The following IFT80 variants were observed in gnomAD, a reference collection of about 807,000 sequenced individuals.
The protein encoded by IFT80 is intraflagellar transport protein 80 homolog.
Under a neutral mutation model 107.9 loss-of-function variants are expected in IFT80, and 79 were observed. The ratio of observed to expected loss-of-function variants is 0.73; its 90% CI spans 0.61 to 0.88. The LOEUF is 0.88. Among genes scored for constraint, IFT80 ranks in the 40% least tolerant of loss-of-function variants. IFT80 has a pLI of 0.00. For missense variants in IFT80, 797 were observed against 914.2 expected (o/e 0.87, Z 1.65); for synonymous variants, 299 against 300.9 (o/e 0.99, Z 0.07).
chr3:160,258,771 A>T, intron 19 of IFT80, 136 bp from the exon 20 acceptor site: 1 of 1,152,222 alleles, frequency 8.7e-7, no homozygotes, highest in Non-Finnish European at 1.2e-6. Context: ...TCAAAAGATT[A>T]GAGAAAAAGA....
At chr3:160,388,654 T>C (rs73875260) in intron 1 of IFT80, among the ~76,000 whole-genome samples, 1 of 150,080 alleles carries the variant, frequency 6.7e-6, no homozygotes, top group Non-Finnish European at 1.5e-5. Context: ...TAAATATATA[T>C]AGAGAGAAAA....
chr3:160,390,076 G>T (rs951333898), intron 1 of IFT80, among the ~76,000 whole-genome samples: 1 of 152,102 alleles, frequency 6.6e-6, no homozygotes, highest in Admixed American at 6.6e-5. Flanking sequence ...TCTGACATAT[G>T]GGAGTTTGGG....
chr3:160,394,716 C>G (rs1194473683), intron 1 of IFT80, among the ~76,000 whole-genome samples: 1 of 151,556 alleles, frequency 6.6e-6, no homozygotes, highest in Non-Finnish European at 1.5e-5. Context: ...TGCCACTACG[C>G]TCCAGCCTGG....
At position 160,331,113 on chromosome 3, in the gene IFT80, C is replaced by T. The variant is rs539589728; in HGVS notation, c.778-11174G>A. 2.4e-3 allele frequency among the ~76,000 whole-genome samples: 362 copies of T among 152,284 alleles called. 4 individuals are homozygous for T. The highest frequency in any genetic ancestry group is 8.0e-3 in the African/African-American group (332 of 41,562). On this transcript the variant is annotated intron_variant, in intron 8 of 19. Coordinates refer to ENST00000326448, the MANE Select transcript of IFT80 (RefSeq NM_020800.3). ...TTCACTTAAAGGAAGCACTTTATGG[C>T]TTCTCTTTGGCACACTGAATTGCTA...
At chr3:160,392,564 T>C (rs994990907) in intron 1 of IFT80, among the ~76,000 whole-genome samples, 1 of 152,246 alleles carries the variant, frequency 6.6e-6, no homozygotes, top group African/African-American at 2.4e-5. Flanking sequence ...ACTTAAGTCA[T>C]CATTTACTCT....
intron 8 of IFT80, among the ~76,000 whole-genome samples, chr3:160,326,582 T>C (rs998486197): frequency 6.6e-6 from 1 of 152,150 alleles, no homozygotes; most frequent in Admixed American, 6.6e-5. Flanking sequence ...ACCACACGAT[T>C]ATCTCAATAG....
Position 160,300,962 on chromosome 3 carries a change from C to T in IFT80, c.1236G>A (p.Met412Ile), listed in dbSNP as rs1233396314. The change falls in exon 12 of 20, where the codon ATG becomes ATA. Residue 412 changes from methionine (M) to isoleucine (I), a missense_variant. Met to Ile is a conservative substitution (Grantham distance 10). Coordinates refer to ENST00000326448, the MANE Select transcript of IFT80 (RefSeq NM_020800.3). Reference sequence around the variant, plus strand: ...TCTGTGCATTCAGAATATCTGTTCTCATTCCAGGAAATTTTGGAGATGAAA... The same window carrying T: ...TCTGTGCATTCAGAATATCTGTTCTTATTCCAGGAAATTTTGGAGATGAAA... ...RFISSPKFPG[M>I]RTDILNAQTV... 1.9e-6 allele frequency: 3 copies of T among 1,610,936 alleles called. No homozygotes were observed. Among genetic ancestry groups the T allele is most frequent in the East Asian group, 4.5e-5 (2 of 44,684 alleles).
rs944061243 is a variant in IFT80, at chr3:160,357,823, G to T, written c.550-245C>A. Among the ~76,000 whole-genome samples, 4 of 152,064 alleles carry T rather than the reference G, an allele frequency of 2.6e-5. No homozygotes were observed. The East Asian group carries it at 5.8e-4, about 22-fold the overall frequency. On this transcript the variant is annotated intron_variant, in intron 6 of 19. Coordinates refer to ENST00000326448, the MANE Select transcript of IFT80 (RefSeq NM_020800.3). ...TCAAACCTTATGAATTTCCTCAGTT[G>T]CCTGGACTCCAGATGGAAAATGACT... is the stretch of plus-strand genomic sequence containing the variant.
At chr3:160,377,184 T>C (rs967290122) in intron 4 of IFT80, among the ~76,000 whole-genome samples, 4 of 152,204 alleles carry the variant, frequency 2.6e-5, no homozygotes, top group Non-Finnish European at 4.4e-5. Flanking sequence ...ATTACAACTT[T>C]TATTTATTCC....
At chr3:160,342,340 C>T (rs1719968931) in intron 8 of IFT80, among the ~76,000 whole-genome samples, 2 of 151,996 alleles carry the variant, frequency 1.3e-5, no homozygotes, top group East Asian at 1.9e-4. Context: ...CTAAACAGCA[C>T]AATATAGAGA....
intron 8 of IFT80, among the ~76,000 whole-genome samples, chr3:160,325,715 A>G (rs1718633214): frequency 6.6e-6 from 1 of 152,128 alleles, no homozygotes; most frequent in Non-Finnish European, 1.5e-5. Flanking sequence ...AAATTCATTT[A>G]TGTTTCATAT....
chr3:160,304,433 T>G (rs1215876507), intron 10 of IFT80, among the ~76,000 whole-genome samples: 2 of 148,430 alleles, frequency 1.3e-5, no homozygotes, highest in Non-Finnish European at 3.0e-5. Context: ...ACTTGATTTT[T>G]TCTTTTTTTT....
chr3:160,317,972 AATT>A lies in IFT80; in HGVS notation c.957+1785_957+1787del, dbSNP rs1057221246. Among the ~76,000 whole-genome samples, 32 of 151,546 alleles carry A rather than the reference AATT, an allele frequency of 2.1e-4. No homozygotes were observed. In the East Asian group the frequency reaches 3.7e-3, roughly 17 times the overall value. On this transcript the variant is annotated intron_variant, in intron 9 of 19. Coordinates refer to ENST00000326448, the MANE Select transcript of IFT80 (RefSeq NM_020800.3). ...TTGTGGATATTTGATAATATTAAGA[AATT>A]ATTATTATTATTATATAATATGATA...
chr3:160,309,697 A>T (rs990550912), intron 9 of IFT80, among the ~76,000 whole-genome samples: 10 of 152,144 alleles, frequency 6.6e-5, no homozygotes, highest in African/African-American at 2.4e-4. Flanking sequence ...CAAAAAAAAA[A>T]TGCAAGATGC....
intron 8 of IFT80, among the ~76,000 whole-genome samples, chr3:160,330,398 A>T (rs1237548030): frequency 2.0e-5 from 3 of 152,250 alleles, no homozygotes; most frequent in Non-Finnish European, 4.4e-5. Flanking sequence ...TAACACAATT[A>T]TACAACCTTT....
At chr3:160,348,512 T>C (rs1339228494) in intron 8 of IFT80, among the ~76,000 whole-genome samples, 6 of 152,214 alleles carry the variant, frequency 3.9e-5, no homozygotes, top group African/African-American at 1.4e-4. Flanking sequence ...GACAGCCACT[T>C]TGGAAAACAA....
intron 6 of IFT80, among the ~76,000 whole-genome samples, chr3:160,360,366 A>G (rs940727783): frequency 2.6e-5 from 4 of 152,244 alleles, no homozygotes; most frequent in African/African-American, 4.8e-5. Flanking sequence ...TGAAAAGACC[A>G]AATCTACATT....
chr3:160,360,831 C>T (rs1373109890), intron 6 of IFT80, among the ~76,000 whole-genome samples: 2 of 152,098 alleles, frequency 1.3e-5, no homozygotes, highest in Non-Finnish European at 2.9e-5. Context: ...CACCACCAGG[C>T]CTGCCTTACA....
At chr3:160,270,176 T>C (rs552633324) in intron 18 of IFT80, among the ~76,000 whole-genome samples, 2 of 152,350 alleles carry the variant, frequency 1.3e-5, no homozygotes. Context: ...AATTTTTGTA[T>C]TTTTAGTAGA....
Sources: allele counts gnomAD v4.1 joint callset (sites outside exome capture counted in the v4.1 genomes callset), GRCh38; gene constraint gnomAD v4.1.1; transcripts MANE v1.5; gene names NCBI Gene and HGNC (gene_info 2026-07-23, HGNC 2026-07-21).